MBD5: variants seen among roughly 807,000 people sequenced by gnomAD.
MBD5 encodes the protein methyl-CpG binding domain protein 5.
In MBD5, 13 loss-of-function variants were observed where a neutral mutation model predicts 117.3. The observed-to-expected ratio is 0.11, with a 90% confidence interval of 0.07 to 0.18. The LOEUF (loss-of-function observed/expected upper bound fraction) is 0.18. MBD5 is among the 10% of genes least tolerant of loss of function. The probability of loss-of-function intolerance (pLI) is 1.00; values close to 1 mark genes in which losing one functional copy is unlikely to be tolerated. For synonymous variants in MBD5, 727 were observed against 766.4 expected, an observed-to-expected ratio of 0.95 and a Z score of 0.85; for missense variants, 1,879 against 2,093.8, an observed-to-expected ratio of 0.90 and a Z score of 2.00.
intron 4 of MBD5, among the ~76,000 whole-genome samples, chr2:148,447,192 A>G (rs62184010): frequency 1.3e-3 from 12 of 9,366 alleles, no homozygotes; most frequent in African/African-American, 1.4e-3. Flanking sequence ...AGAAAGAAAG[A>G]AAGAAAGAAA....
intron 4 of MBD5, among the ~76,000 whole-genome samples, chr2:148,435,151 G>C: frequency 1.3e-5 from 2 of 151,924 alleles, no homozygotes; most frequent in Non-Finnish European, 2.9e-5. Context: ...GAGCCCATGG[G>C]TATCACTGCA....
chr2:148,168,416 T>C (rs1259535649), intron 1 of MBD5, among the ~76,000 whole-genome samples: 1 of 152,158 alleles, frequency 6.6e-6, no homozygotes, highest in Non-Finnish European at 1.5e-5. Context: ...CAATTCCCGT[T>C]GGTAGTCATA....
At position 148,318,329 on chromosome 2, in the gene MBD5, G is replaced by A. The variant is rs572959155; in HGVS notation, c.-679-23885G>A. 2.6e-5 allele frequency among the ~76,000 whole-genome samples: 4 copies of A among 151,192 alleles called. No individual in the cohort carries two copies. In the South Asian group the frequency reaches 6.3e-4, roughly 24 times the overall value. ...TTTTTAATTATTTTTCTTGTGAGTTGTTTGAGCTCCTTGTAGATTCTGGAT... is the reference window on the plus strand; with the variant it reads ...TTTTTAATTATTTTTCTTGTGAGTTATTTGAGCTCCTTGTAGATTCTGGAT... On this transcript the variant is annotated intron_variant, in intron 3 of 13. Transcript: ENST00000642680.
chr2:148,438,619 G>A (rs1706224893), intron 4 of MBD5, among the ~76,000 whole-genome samples: 1 of 152,122 alleles, frequency 6.6e-6, no homozygotes, highest in Non-Finnish European at 1.5e-5. Context: ...TATGTATATA[G>A]ATATATGAGA....
At chr2:148,178,545 G>T (rs1411530681) in intron 1 of MBD5, among the ~76,000 whole-genome samples, 155 bp from the exon 2 acceptor site, 1 of 152,098 alleles carries the variant, frequency 6.6e-6, no homozygotes, top group Non-Finnish European at 1.5e-5. Flanking sequence ...TGTTATTGCT[G>T]TTTGTTTACA....
At chr2:148,179,814 A>G (rs1427989501) in intron 2 of MBD5, among the ~76,000 whole-genome samples, 1 of 152,204 alleles carries the variant, frequency 6.6e-6, no homozygotes, top group Non-Finnish European at 1.5e-5. Context: ...TGTGACCTGT[A>G]AACGGGATGC....
At chr2:148,471,832 G>C (rs1680807408) in intron 8 of MBD5, 1 of 151,804 alleles carries the variant, frequency 6.6e-6, no homozygotes, top group Admixed American at 6.6e-5. Flanking sequence ...ATCCCATAGG[G>C]GGCTTCCAGC....
chr2:148,328,680 A>G (rs1702543267), intron 3 of MBD5, among the ~76,000 whole-genome samples: 1 of 152,324 alleles, frequency 6.6e-6, no homozygotes, highest in South Asian at 2.1e-4. Context: ...GAGTGAGGCA[A>G]TGCCTCACCC....
intron 1 of MBD5, among the ~76,000 whole-genome samples, chr2:148,123,086 C>T (rs1476650621): frequency 6.6e-6 from 1 of 152,178 alleles, no homozygotes; most frequent in African/African-American, 2.4e-5. Flanking sequence ...CTATCTTTTA[C>T]CTCCAATCCT....
At chr2:148,209,841 G>A (rs1207141110) in intron 2 of MBD5, among the ~76,000 whole-genome samples, 1 of 152,094 alleles carries the variant, frequency 6.6e-6, no homozygotes, top group Non-Finnish European at 1.5e-5. Flanking sequence ...TGAACTCAGA[G>A]TGAGAACTCA....
chr2:148,456,141 G>A lies in MBD5; in HGVS notation c.-556-2062G>A, dbSNP rs531785045. ...TTTGGATAAATAGTACTTTGCTGTC[G>A]TAGTTCAGGCTGCTATAACCAAACA... is the stretch of plus-strand genomic sequence containing the variant. On this transcript the variant is annotated intron_variant, in intron 4 of 13. Transcript: ENST00000642680. Among the ~76,000 whole-genome samples the A allele has an allele frequency of 3.9e-5, 6 of 152,178 alleles. No homozygotes were observed. The East Asian group carries it at 5.8e-4, about 15-fold the overall frequency.
chr2:148,208,007 T>A (rs1699327873), intron 2 of MBD5, among the ~76,000 whole-genome samples: 1 of 152,116 alleles, frequency 6.6e-6, no homozygotes, highest in Admixed American at 6.6e-5. Context: ...GAGTCTGAAA[T>A]CAGTATCACT....
chr2:148,278,625 T>A (rs1179248137), intron 3 of MBD5, among the ~76,000 whole-genome samples: 1 of 152,212 alleles, frequency 6.6e-6, no homozygotes, highest in Non-Finnish European at 1.5e-5. Context: ...TTTTTTAAAA[T>A]TTATTTGTTT....
intron 8 of MBD5, among the ~76,000 whole-genome samples, chr2:148,478,139 G>C (rs944158843): frequency 1.3e-5 from 2 of 152,158 alleles, no homozygotes; most frequent in Admixed American, 6.6e-5. Context: ...GTTTTGAAAA[G>C]TAGTTTTAAA....
At chr2:148,437,304 A>G (rs1448913777) in intron 4 of MBD5, among the ~76,000 whole-genome samples, 3 of 152,090 alleles carry the variant, frequency 2.0e-5, no homozygotes, top group Non-Finnish European at 4.4e-5. Context: ...TTTTAAGTTT[A>G]TAGCTGGCCT....
chr2:148,137,757 G>T (rs1697206122), intron 1 of MBD5, among the ~76,000 whole-genome samples: 1 of 152,166 alleles, frequency 6.6e-6, no homozygotes, highest in Non-Finnish European at 1.5e-5. Context: ...TTAAAATGTT[G>T]TAATTTTACT....
intron 4 of MBD5, among the ~76,000 whole-genome samples, chr2:148,420,966 T>C (rs542448101): frequency 2.8e-4 from 42 of 152,274 alleles, no homozygotes; most frequent in African/African-American, 9.4e-4. Context: ...TGGGCTCAAG[T>C]GATCCACCTG....
At chr2:148,251,835 G>A (rs539787602) in intron 3 of MBD5, among the ~76,000 whole-genome samples, 2 of 152,090 alleles carry the variant, frequency 1.3e-5, no homozygotes, top group Admixed American at 6.5e-5. Flanking sequence ...ATTTTGAGAG[G>A]GAAAGAAGTA....
At chr2:148,023,452 C>T (rs924753581) in intron 1 of MBD5, among the ~76,000 whole-genome samples, 2 of 152,100 alleles carry the variant, frequency 1.3e-5, no homozygotes, top group African/African-American at 4.8e-5. Flanking sequence ...ACAATATGAT[C>T]TTATTTCCCT....
Sources: gnomAD v4.1 joint callset for allele counts (sites outside exome capture counted in the v4.1 genomes callset) on GRCh38, gnomAD v4.1.1 for gene constraint, MANE v1.5 for transcripts, NCBI Gene and HGNC (gene_info 2026-07-23, HGNC 2026-07-21) for gene names.